DIAPH2: variants seen among roughly 807,000 people sequenced by gnomAD.
DIAPH2 encodes the protein protein diaphanous homolog 2.
DIAPH2 carries 35 observed loss-of-function variants against 92.7 expected under a neutral mutation model. The ratio of observed to expected loss-of-function variants is 0.38; its 90% CI spans 0.29 to 0.50. The LOEUF (loss-of-function observed/expected upper bound fraction) is 0.50. DIAPH2 is among the 20% of genes least tolerant of loss of function. The pLI is 0.94. For missense variants in DIAPH2, 701 were observed against 819.5 expected, an observed-to-expected ratio of 0.86 and a Z score of 1.77; for synonymous variants, 301 against 280.4, an observed-to-expected ratio of 1.07 and a Z score of -0.73.
chrX:97,352,589 G>T (rs2069226056), intron 24 of DIAPH2, among the ~76,000 whole-genome samples: 1 of 109,624 alleles, frequency 9.1e-6, no homozygotes, highest in South Asian at 3.9e-4. Flanking sequence ...CAGCATACAG[G>T]CCAGGCTCAG....
At chrX:97,185,367 A>ATG (rs1491403767) in intron 22 of DIAPH2, among the ~76,000 whole-genome samples, 5 of 54,172 alleles carry the variant, frequency 9.2e-5, no homozygotes, top group Middle Eastern at 8.0e-3. Flanking sequence ...GTATATATAT[A>ATG]TGTATATATA....
chrX:96,974,720 G>C lies in DIAPH2; in HGVS notation c.2050+9513G>C, dbSNP rs187495079. ...AGTTTTGTTTATTATTCAATTTGAT[G>C]ATATTTGGGGGCATAGAATCATCAA... On this transcript the variant is annotated intron_variant, in intron 17 of 26. Transcript: ENST00000324765. 3.8e-3 allele frequency among the ~76,000 whole-genome samples: 426 copies of C among 111,291 alleles called. 1 individual carries two copies. Among genetic ancestry groups the C allele is most frequent in the African/African-American group, 0.013 (403 of 30,683 alleles).
intron 26 of DIAPH2, among the ~76,000 whole-genome samples, chrX:97,580,239 C>A (rs1373372241): frequency 1.1e-5 from 1 of 94,329 alleles, no homozygotes; most frequent in Non-Finnish European, 2.1e-5. Context: ...GCATCCCTGT[C>A]TTGTGCCAGT....
In DIAPH2 at chrX:97,050,819, A is replaced by G. The variant is rs181265235; in HGVS notation, c.2051-22122A>G. 9.8e-5 allele frequency among the ~76,000 whole-genome samples: 11 copies of G among 111,739 alleles called. No homozygotes were observed. The Admixed American group carries it at 1.0e-3, about 11-fold the overall frequency. ...TTTATTTTTTACATGCTCTCAATGA[A>G]TATCTATACATTCATTACTTTCAGA... On this transcript the variant is annotated intron_variant, in intron 17 of 26. Transcript: ENST00000324765.
chrX:96,763,012 C>A (rs1157582285), intron 4 of DIAPH2: 1 of 707,587 alleles, frequency 1.4e-6, no homozygotes, highest in African/African-American at 2.3e-5. Context: ...AAACACTTAA[C>A]CTCTGTGAAA....
intron 17 of DIAPH2, among the ~76,000 whole-genome samples, chrX:96,983,149 T>C (rs1181333492): frequency 9.0e-6 from 1 of 111,560 alleles, no homozygotes; most frequent in East Asian, 2.8e-4. Context: ...GTAATGATGA[T>C]GCCACCCCCT....
intron 16 of DIAPH2, among the ~76,000 whole-genome samples, chrX:96,962,362 TATACAC>T (rs2065860807): frequency 1.4e-5 from 1 of 71,148 alleles, no homozygotes; most frequent in Non-Finnish European, 2.5e-5. Flanking sequence ...CACATATATA[TATACAC>T]ATATATATAT....
At chrX:96,904,771 C>G (rs2065421693) in intron 5 of DIAPH2, among the ~76,000 whole-genome samples, 1 of 110,818 alleles carries the variant, frequency 9.0e-6, no homozygotes, top group African/African-American at 3.3e-5. Flanking sequence ...CATTAAAAAA[C>G]ATTACAGTAG....
intron 24 of DIAPH2, among the ~76,000 whole-genome samples, chrX:97,357,917 T>C (rs2069283986): frequency 8.9e-6 from 1 of 112,102 alleles, no homozygotes; most frequent in Admixed American, 9.5e-5. Context: ...CTGATCATTG[T>C]TTTGCTACTA....
intron 23 of DIAPH2, among the ~76,000 whole-genome samples, chrX:97,277,941 G>T (rs1361946821): frequency 1.8e-5 from 2 of 112,035 alleles, no homozygotes; most frequent in East Asian, 2.8e-4. Context: ...TGAGTCCCTG[G>T]TTCAAGCGAT....
At chrX:96,923,571 C>T in intron 9 of DIAPH2, among the ~76,000 whole-genome samples, 1 of 111,801 alleles carries the variant, frequency 8.9e-6, no homozygotes, top group Non-Finnish European at 1.9e-5. Context: ...GTTATCTTTA[C>T]GAACCCAATT....
rs1025693687 is a variant in DIAPH2, at chrX:96,837,813, A to G, written c.448-43766A>G. Among the ~76,000 whole-genome samples the G allele has an allele frequency of 3.6e-5, 4 of 111,586 alleles. No individual in the cohort carries two copies. In the Admixed American group the frequency reaches 3.8e-4, roughly 11 times the overall value. On this transcript the variant is annotated intron_variant, in intron 4 of 26. Coordinates refer to ENST00000324765, the MANE Select transcript of DIAPH2 (RefSeq NM_006729.5). ...CTATTTTACTATATTTAGATTGTTC[A>G]TGTGTGGCTTTTGGAACTTATTTCC...
chrX:97,153,690 C>T (rs1569314470), intron 22 of DIAPH2, among the ~76,000 whole-genome samples: 2 of 111,897 alleles, frequency 1.8e-5, no homozygotes, highest in African/African-American at 6.5e-5. Context: ...AGTTTTTCTA[C>T]ATATTCTTTT....
chrX:96,782,048 T>C (rs1262485573), intron 4 of DIAPH2, among the ~76,000 whole-genome samples: 1 of 112,351 alleles, frequency 8.9e-6, no homozygotes, highest in Non-Finnish European at 1.9e-5. Context: ...GTGACTTTTA[T>C]ACTAGTATTT....
At chrX:97,568,269 C>CCGTT (rs1379578078) in intron 26 of DIAPH2, among the ~76,000 whole-genome samples, 1 of 110,149 alleles carries the variant, frequency 9.1e-6, no homozygotes, top group African/African-American at 3.3e-5. Context: ...GCTGATAAAA[C>CCGTT]CGTTTGAGGG....
chrX:97,175,371 T>G (rs2067483963), intron 22 of DIAPH2, among the ~76,000 whole-genome samples: 1 of 111,674 alleles, frequency 9.0e-6, no homozygotes, highest in Non-Finnish European at 1.9e-5. Flanking sequence ...TATACTGCCT[T>G]ACATTATAGG....
At chrX:97,301,474 G>A (rs967109522) in intron 23 of DIAPH2, among the ~76,000 whole-genome samples, 1 of 111,583 alleles carries the variant, frequency 9.0e-6, no homozygotes, top group Admixed American at 9.6e-5. Flanking sequence ...ATGTGAAGGA[G>A]TGCCAGATTG....
chrX:97,197,209 C>T (rs1425926710), intron 22 of DIAPH2, among the ~76,000 whole-genome samples: 1 of 112,172 alleles, frequency 8.9e-6, no homozygotes, highest in Non-Finnish European at 1.9e-5. Context: ...TATACTATCT[C>T]TATTCCCTCT....
intron 22 of DIAPH2, among the ~76,000 whole-genome samples, chrX:97,208,960 A>G (rs1602418267): frequency 9.1e-6 from 1 of 110,056 alleles, no homozygotes; most frequent in African/African-American, 3.3e-5. Flanking sequence ...ATTACCCTTA[A>G]CTTTTTAAAG....
Sources: allele counts gnomAD v4.1 joint callset (sites outside exome capture counted in the v4.1 genomes callset), GRCh38; gene constraint gnomAD v4.1.1; transcripts MANE v1.5; gene names NCBI Gene and HGNC (gene_info 2026-07-23, HGNC 2026-07-21).